STK32A: variants seen among roughly 807,000 people sequenced by gnomAD.
The protein encoded by STK32A is serine/threonine kinase 32A.
Under a neutral mutation model 53.2 loss-of-function variants are expected in STK32A, and 41 were observed. The ratio of observed to expected loss-of-function variants is 0.77; its 90% CI spans 0.60 to 1.00. The LOEUF (loss-of-function observed/expected upper bound fraction) is 1.00. Ranked by LOEUF, STK32A falls within the 50% of genes least tolerant of loss-of-function variation. STK32A has a pLI of 0.00. For synonymous variants in STK32A, 166 were observed against 162.8 expected (o/e 1.02, Z -0.15); for missense variants, 458 against 485.8 (o/e 0.94, Z 0.54).
chr5:147,250,186 C>A (rs751704230), intron 2 of STK32A, among the ~76,000 whole-genome samples: 2 of 152,074 alleles, frequency 1.3e-5, no homozygotes, highest in South Asian at 2.1e-4. Flanking sequence ...GGGTTTGGGA[C>A]CCTGCTCACA....
At chr5:147,398,445 G>T in the STK32A span, among the ~76,000 whole-genome samples, 1 of 152,186 alleles carries the variant, frequency 6.6e-6, no homozygotes, top group Non-Finnish European at 1.5e-5. Context: ...TAAAACGGAG[G>T]ATAATAGTCC....
chr5:147,282,796 C>G (rs1385316428), intron 4 of STK32A, among the ~76,000 whole-genome samples: 1 of 152,100 alleles, frequency 6.6e-6, no homozygotes, highest in East Asian at 1.9e-4. Context: ...ATTTATAAAA[C>G]AATTACTAAT....
chr5:147,310,812 G>A (rs1044668359), intron 4 of STK32A, among the ~76,000 whole-genome samples: 4 of 151,986 alleles, frequency 2.6e-5, no homozygotes, highest in South Asian at 2.1e-4. Flanking sequence ...CCTGATTACT[G>A]GCTGTATTAT....
intron 2 of STK32A, among the ~76,000 whole-genome samples, chr5:147,259,722 TC>T (rs964999700): frequency 1.6e-4 from 25 of 152,272 alleles, no homozygotes; most frequent in African/African-American, 6.0e-4. Flanking sequence ...TCTGTCTCTT[TC>T]TTTCTGACTC....
the STK32A span, among the ~76,000 whole-genome samples, chr5:147,400,169 T>C: frequency 1.3e-5 from 2 of 152,174 alleles, no homozygotes; most frequent in African/African-American, 2.4e-5. Context: ...ATTTCTTTCG[T>C]CAGTCCTTGT....
chr5:147,321,625 G>C (rs556851923), intron 4 of STK32A, among the ~76,000 whole-genome samples: 2 of 152,128 alleles, frequency 1.3e-5, no homozygotes, highest in Non-Finnish European at 2.9e-5. Context: ...TGAATAAAAA[G>C]AGCTTAACCC....
In STK32A at chr5:147,387,692, T is replaced by TATTA. The variant is rs1458971336; in HGVS notation, c.*3711_*3714dup. 1.3e-5 allele frequency: 2 copies of TATTA among 152,278 alleles called. No individual in the cohort carries two copies. The highest frequency in any genetic ancestry group is 4.8e-5 in the African/African-American group (2 of 41,474). 9.4% of individuals were successfully genotyped at this position (152,278 alleles called of 1,614,324 possible). A position where few individuals can be genotyped will look rare whatever the true frequency, so the allele number is the denominator to read the frequency against. On this transcript the variant is annotated 3_prime_UTR_variant, in exon 13 of 13. Coordinates refer to ENST00000397936, the MANE Select transcript of STK32A (RefSeq NM_001112724.2). ...TTACAAATTCAGTGTGTCTGACTGA[T>TATTA]ATTAAACACTGATATTAAAATTTCA...
In STK32A at chr5:147,342,951, T is replaced by C. The variant is rs369201238; in HGVS notation, c.435-55T>C. The C allele has an allele frequency of 8.8e-3, 13,980 of 1,584,372 alleles. 81 individuals are homozygous for C. Among genetic ancestry groups the C allele is most frequent in the Non-Finnish European group, 9.4e-3 (10,849 of 1,154,398 alleles). On this transcript the variant is annotated intron_variant, in intron 5 of 12. Coordinates refer to ENST00000397936, the MANE Select transcript of STK32A (RefSeq NM_001112724.2). ...TCTTAAGCCTTTTTGCCCCTACCCC[T>C]TAGTTCTGTTCGTTTTATTGTGAGC...
At chr5:147,400,422 C>G in the STK32A span, among the ~76,000 whole-genome samples, 1 of 152,214 alleles carries the variant, frequency 6.6e-6, no homozygotes, top group South Asian at 2.1e-4. Context: ...ACAGGCTATT[C>G]GTACACTCAG....
chr5:147,261,572 AG>A, intron 2 of STK32A, among the ~76,000 whole-genome samples: 1 of 152,320 alleles, frequency 6.6e-6, no homozygotes, highest in African/African-American at 2.4e-5. Flanking sequence ...TAATCAAAAA[AG>A]GTTGCTTTAC....
chr5:147,323,748 G>T, intron 4 of STK32A, 150 bp from the exon 5 acceptor site: 1 of 607,282 alleles, frequency 1.6e-6, no homozygotes, highest in South Asian at 2.2e-5. Flanking sequence ...AAGGCCTAAG[G>T]TGATAGAGCT....
At chr5:147,399,931 A>G in the STK32A span, among the ~76,000 whole-genome samples, 3 of 152,238 alleles carry the variant, frequency 2.0e-5, no homozygotes, top group African/African-American at 7.2e-5. Context: ...AAGCCTCTTT[A>G]CGGAAAGAAT....
chr5:147,255,689 G>A (rs1057374636), intron 2 of STK32A, among the ~76,000 whole-genome samples: 1 of 152,130 alleles, frequency 6.6e-6, no homozygotes, highest in South Asian at 2.1e-4. Context: ...CATGTCTAAG[G>A]CTATTTTATT....
intron 11 of STK32A, among the ~76,000 whole-genome samples, chr5:147,378,578 C>A (rs1266139731): frequency 6.6e-6 from 1 of 152,070 alleles, no homozygotes; most frequent in Non-Finnish European, 1.5e-5. Context: ...CTGTGTGTAG[C>A]TCAGAGTCAC....
intron 5 of STK32A, among the ~76,000 whole-genome samples, chr5:147,330,794 T>A (rs1360208895): frequency 6.6e-6 from 1 of 152,232 alleles, no homozygotes; most frequent in African/African-American, 2.4e-5. Flanking sequence ...CCACCTGTAA[T>A]GACCTGTCTA....
intron 5 of STK32A, among the ~76,000 whole-genome samples, chr5:147,333,870 G>C (rs1445077805): frequency 6.6e-6 from 1 of 152,046 alleles, no homozygotes; most frequent in Admixed American, 6.6e-5. Flanking sequence ...GAGATTAAGA[G>C]GCTTTGGAAT....
chr5:147,292,705 T>C (rs116344641), intron 4 of STK32A, among the ~76,000 whole-genome samples: 4,322 of 151,990 alleles, frequency 0.028, 221 homozygotes, highest in African/African-American at 0.1. Flanking sequence ...CCTCTAAAAA[T>C]ACAAAATTAG....
intron 11 of STK32A, among the ~76,000 whole-genome samples, chr5:147,379,579 C>T (rs1167869136): frequency 6.6e-6 from 1 of 151,978 alleles, no homozygotes. Context: ...TCTTTTTATG[C>T]TCATGTCAGA....
intron 2 of STK32A, among the ~76,000 whole-genome samples, chr5:147,241,467 A>C (rs1173974201): frequency 6.7e-6 from 1 of 149,176 alleles, no homozygotes; most frequent in Non-Finnish European, 1.5e-5. Flanking sequence ...CGACAGAGCG[A>C]GACTCCATCT....
Sources: allele counts gnomAD v4.1 joint callset (sites outside exome capture counted in the v4.1 genomes callset), GRCh38; gene constraint gnomAD v4.1.1; transcripts MANE v1.5; gene names NCBI Gene and HGNC (gene_info 2026-07-23, HGNC 2026-07-21).